The following NIM1K variants were observed in gnomAD, a reference collection of about 807,000 sequenced individuals.
NIM1K encodes the protein NIM1 serine/threonine protein kinase, also known as serine/threonine-protein kinase NIM1.
Under a neutral mutation model 37.1 loss-of-function variants are expected in NIM1K, and 35 were observed. The ratio of observed to expected loss-of-function variants is 0.94; its 90% CI spans 0.72 to 1.25. NIM1K has a LOEUF of 1.25. NIM1K is among the 50% of genes most tolerant of loss of function. NIM1K has a pLI of 0.00. For synonymous variants in NIM1K, 234 were observed against 206.6 expected (o/e 1.13, Z -1.14); for missense variants, 564 against 548.0 (o/e 1.03, Z -0.29).
intron 1 of NIM1K, chr5:43,242,782 C>T (rs1324074938): frequency 6.6e-6 from 1 of 151,018 alleles, no homozygotes; most frequent in Non-Finnish European, 1.5e-5. Flanking sequence ...AAGAGTAAAG[C>T]ACAAGTTCCT....
In NIM1K at chr5:43,232,588, A is replaced by AG; in HGVS notation, c.-694-12491dup. ...CATGAAGACACAATCAGAGTGCTCC[A>AG]GGGTGGTGTGGGAGGTGAGGATGGA... On this transcript the variant is annotated intron_variant, in intron 1 of 3. Transcript: ENST00000326035. 4 of 1,571,300 alleles carry AG rather than the reference A, an allele frequency of 2.5e-6. No individual in the cohort carries two copies. The South Asian group carries it at 4.8e-5, about 19-fold the overall frequency.
chr5:43,263,811 G>C (rs1397123984), intron 2 of NIM1K, among the ~76,000 whole-genome samples: 1 of 152,106 alleles, frequency 6.6e-6, no homozygotes, highest in Admixed American at 6.6e-5. Context: ...AGAGATTCTG[G>C]TACGTTGTGT....
chr5:43,279,962 C>T lies in NIM1K; in HGVS notation c.562-18C>T, dbSNP rs764701128. 3 of 1,590,862 alleles carry T rather than the reference C, an allele frequency of 1.9e-6. No individual in the cohort carries two copies. In the African/African-American group the frequency reaches 4.0e-5, roughly 21 times the overall value. On this transcript the variant is annotated intron_variant, in intron 3 of 3. Coordinates refer to ENST00000326035, the MANE Select transcript of NIM1K (RefSeq NM_153361.4). ...ATTTTACTGTAAAAATGACTTTTCT[C>T]TATGTCTTCTTCCACAGCATGAAAA...
chr5:43,195,866 T>C (rs1030151271), intron 1 of NIM1K, among the ~76,000 whole-genome samples: 4 of 152,122 alleles, frequency 2.6e-5, no homozygotes, highest in East Asian at 1.9e-4. Flanking sequence ...AGCAGATTAA[T>C]AGAAAGAAAG....
At chr5:43,232,966 A>C in intron 1 of NIM1K, 1 of 1,129,920 alleles carries the variant, frequency 8.9e-7, no homozygotes, top group African/African-American at 1.5e-5. Flanking sequence ...CATGGGTTTC[A>C]GGTCTAGAAA....
chr5:43,277,407 G>A, intron 3 of NIM1K, 82 bp downstream of exon 3: 1 of 1,439,982 alleles, frequency 6.9e-7, no homozygotes, highest in Non-Finnish European at 9.4e-7. Context: ...TAACCCTCAA[G>A]TGTCCCAGAG....
chr5:43,266,608 C>T (rs142616210), intron 2 of NIM1K, among the ~76,000 whole-genome samples: 5 of 152,248 alleles, frequency 3.3e-5, no homozygotes, highest in Admixed American at 1.3e-4. Flanking sequence ...GCTCACACTT[C>T]GTGGGCTGCA....
At chr5:43,198,225 C>A (rs1487142765) in intron 1 of NIM1K, among the ~76,000 whole-genome samples, 1 of 115,188 alleles carries the variant, frequency 8.7e-6, no homozygotes, top group Admixed American at 8.9e-5. Flanking sequence ...TTCTTTCTTT[C>A]TTTCTTTCTT....
chr5:43,198,266 T>C lies in NIM1K; in HGVS notation c.-695+5855T>C, dbSNP rs2453309. ...CTTTCTTTTCTTTCTTTCCTTTCTT[T>C]CTTTCTCTCTTTCTCTCCTTTCTTC... On this transcript the variant is annotated intron_variant, in intron 1 of 3. Transcript: ENST00000326035. Among the ~76,000 whole-genome samples, 280 of 148,214 alleles carry C rather than the reference T, an allele frequency of 1.9e-3. 4 individuals carry two copies. The highest frequency in any genetic ancestry group is 6.8e-3 in the African/African-American group (271 of 40,032).
chr5:43,259,684 A>T (rs1039467083), intron 2 of NIM1K, among the ~76,000 whole-genome samples: 1 of 152,154 alleles, frequency 6.6e-6, no homozygotes, highest in Non-Finnish European at 1.5e-5. Context: ...TCTGGATATT[A>T]GTTCTTTGTC....
chr5:43,216,013 C>T (rs893965213), intron 1 of NIM1K, among the ~76,000 whole-genome samples: 2 of 151,346 alleles, frequency 1.3e-5, no homozygotes, highest in Non-Finnish European at 2.9e-5. Context: ...TCCCCGGAGG[C>T]TTTTCTGTTT....
intron 3 of NIM1K, 92 bp downstream of exon 3, chr5:43,277,417 G>A: frequency 7.2e-7 from 1 of 1,391,400 alleles, no homozygotes. Flanking sequence ...GTGTCCCAGA[G>A]GGCTTTTGTC....
chr5:43,256,894 C>T (rs1752954673), intron 2 of NIM1K, among the ~76,000 whole-genome samples: 1 of 152,120 alleles, frequency 6.6e-6, no homozygotes, highest in South Asian at 2.1e-4. Context: ...CATTCTTCTA[C>T]TAGGGTTTTC....
intron 2 of NIM1K, among the ~76,000 whole-genome samples, chr5:43,267,108 C>T (rs1325947929): frequency 6.6e-6 from 1 of 152,142 alleles, no homozygotes; most frequent in Non-Finnish European, 1.5e-5. Flanking sequence ...CAATTTCAAT[C>T]AGTAAATTTT....
chr5:43,268,225 C>G (rs1753198150), intron 2 of NIM1K, among the ~76,000 whole-genome samples: 1 of 152,216 alleles, frequency 6.6e-6, no homozygotes. Context: ...CAGGTTATTT[C>G]TGCCCACTGC....
At chr5:43,240,928 C>T (rs2112256516) in intron 1 of NIM1K, among the ~76,000 whole-genome samples, 1 of 152,098 alleles carries the variant, frequency 6.6e-6, no homozygotes, top group Admixed American at 6.5e-5. Flanking sequence ...TTTTCACATC[C>T]ATCTTTATGT....
chr5:43,277,823 A>T (rs1341745318), intron 3 of NIM1K, among the ~76,000 whole-genome samples: 1 of 148,862 alleles, frequency 6.7e-6, no homozygotes, highest in Non-Finnish European at 1.5e-5. Context: ...TGTGAGAGAG[A>T]GAGAGAGAGA....
rs751116580 is a variant in NIM1K at position 43,280,735 on chromosome 5, A to T, written c.*6A>T. ...AATTTTGCTCGATTTTATAAATTGC[A>T]CTAGACTGCTTGTAACTAACCAAGA... On this transcript the variant is annotated 3_prime_UTR_variant, in exon 4 of 4. Coordinates refer to ENST00000326035, the MANE Select transcript of NIM1K (RefSeq NM_153361.4). 1.3e-6 allele frequency: 2 copies of T among 1,584,700 alleles called. No individual in the cohort carries two copies. The highest frequency in any genetic ancestry group is 1.7e-6 in the Non-Finnish European group (2 of 1,169,040).
At chr5:43,203,012 C>T (rs1400109273) in intron 1 of NIM1K, among the ~76,000 whole-genome samples, 1 of 152,120 alleles carries the variant, frequency 6.6e-6, no homozygotes, top group Non-Finnish European at 1.5e-5. Flanking sequence ...TCTTCAGCTC[C>T]AGCCTTTCGA....
Sources: allele counts gnomAD v4.1 joint callset (sites outside exome capture counted in the v4.1 genomes callset), GRCh38; gene constraint gnomAD v4.1.1; transcripts MANE v1.5; gene names NCBI Gene and HGNC (gene_info 2026-07-23, HGNC 2026-07-21).